The following SPICE1 variants were observed in gnomAD, a reference collection of about 807,000 sequenced individuals.
The protein encoded by SPICE1 is spindle and centriole associated protein 1, also known as spindle and centriole-associated protein 1.
Under a neutral mutation model 102.7 loss-of-function variants are expected in SPICE1, and 75 were observed. The observed-to-expected ratio is 0.73, with a 90% CI of 0.61 to 0.88. The LOEUF (loss-of-function observed/expected upper bound fraction) is 0.88. Ranked by LOEUF, SPICE1 falls within the 40% of genes least tolerant of loss-of-function variation. The probability of loss-of-function intolerance (pLI) is 0.00; values close to 1 mark genes in which losing one functional copy is unlikely to be tolerated. For synonymous variants in SPICE1, 308 were observed against 350.3 expected, an observed-to-expected ratio of 0.88 and a Z score of 1.35; for missense variants, 979 against 1,020.1, an observed-to-expected ratio of 0.96 and a Z score of 0.55.
chr3:113,468,616 G>A, intron 9 of SPICE1, 146 bp downstream of exon 9: 1 of 1,077,260 alleles, frequency 9.3e-7, no homozygotes, highest in Non-Finnish European at 1.3e-6. Flanking sequence ...ACATGTGGTA[G>A]GAGACATTTC....
intron 1 of SPICE1, among the ~76,000 whole-genome samples, chr3:113,510,836 C>A (rs897749993): frequency 6.6e-6 from 1 of 152,102 alleles, no homozygotes; most frequent in Non-Finnish European, 1.5e-5. Flanking sequence ...AGACAACCTA[C>A]AAAATGAGAG....
chr3:113,509,817 C>T (rs1377990762), intron 1 of SPICE1, among the ~76,000 whole-genome samples: 1 of 152,136 alleles, frequency 6.6e-6, no homozygotes, highest in East Asian at 1.9e-4. Flanking sequence ...AGCAGTTTCC[C>T]TCTTGCTGTT....
At chr3:113,446,720 T>C in intron 16 of SPICE1, 44 bp from the exon 17 acceptor site, 4 of 1,444,704 alleles carry the variant, frequency 2.8e-6, no homozygotes, top group Non-Finnish European at 3.9e-6. Context: ...GAGCTATCAT[T>C]ATTAACCTTA....
chr3:113,465,041 G>A (rs1936019856), intron 11 of SPICE1, among the ~76,000 whole-genome samples: 1 of 151,030 alleles, frequency 6.6e-6, no homozygotes, highest in South Asian at 2.1e-4. Flanking sequence ...AGGAGGTCCA[G>A]GCTGCAATGA....
intron 1 of SPICE1, among the ~76,000 whole-genome samples, chr3:113,511,083 T>A (rs1298481334): frequency 6.6e-6 from 1 of 152,214 alleles, no homozygotes; most frequent in Non-Finnish European, 1.5e-5. Context: ...CCAGTCAGAA[T>A]GGCGATTATT....
intron 4 of SPICE1, among the ~76,000 whole-genome samples, chr3:113,495,427 A>G (rs2107497361): frequency 6.6e-6 from 1 of 152,362 alleles, no homozygotes; most frequent in South Asian, 2.1e-4. Context: ...TTCCCCGGCT[A>G]TAGCCAAGCA....
intron 12 of SPICE1, among the ~76,000 whole-genome samples, chr3:113,457,994 G>A (rs1250555326): frequency 1.3e-5 from 2 of 152,044 alleles, no homozygotes; most frequent in African/African-American, 4.8e-5. Context: ...ACAAAACAAG[G>A]AACTTCACAG....
chr3:113,475,856 T>C (rs1936331567), intron 7 of SPICE1, among the ~76,000 whole-genome samples: 2 of 151,994 alleles, frequency 1.3e-5, no homozygotes, highest in South Asian at 4.1e-4. Context: ...CTGGAAGCAT[T>C]CCCTTTGAAA....
At chr3:113,510,527 T>C (rs561492855) in intron 1 of SPICE1, among the ~76,000 whole-genome samples, 5 of 152,142 alleles carry the variant, frequency 3.3e-5, no homozygotes, top group Non-Finnish European at 5.9e-5. Context: ...GGGGAAAGGA[T>C]TCCCTACTTA....
chr3:113,490,043 A>T (rs942434386), intron 6 of SPICE1, among the ~76,000 whole-genome samples: 3 of 152,036 alleles, frequency 2.0e-5, no homozygotes, highest in African/African-American at 7.2e-5. Flanking sequence ...GCACTCAATA[A>T]ATTTTAGCTA....
At chr3:113,472,240 C>T (rs1035890197) in intron 7 of SPICE1, among the ~76,000 whole-genome samples, 43 of 152,228 alleles carry the variant, frequency 2.8e-4, no homozygotes, top group Non-Finnish European at 4.3e-4. Flanking sequence ...GAGGGGCACC[C>T]GCCATTGCCC....
At chr3:113,513,059 T>G (rs139915644) in intron 1 of SPICE1, among the ~76,000 whole-genome samples, 2 of 152,150 alleles carry the variant, frequency 1.3e-5, no homozygotes, top group African/African-American at 4.8e-5. Flanking sequence ...AAGCTATGAA[T>G]GTATGGACAA....
In SPICE1 at chr3:113,453,714, G is replaced by A; in HGVS notation, c.1894C>T (p.His632Tyr). ...VNLSQPLCNS[H>Y]SNTQQSRSPT... ...CTTCTTGACTGTTGAGTGTTGGAATGGGAATTGCAGAGGGGCTGTGAGAGG... is the reference window on the plus strand; with the variant it reads ...CTTCTTGACTGTTGAGTGTTGGAATAGGAATTGCAGAGGGGCTGTGAGAGG... The change falls in exon 14 of 18, where the codon CAT (histidine) becomes TAT (tyrosine). Residue 632 changes from histidine (H) to tyrosine (Y), a missense_variant. Coordinates refer to ENST00000295872, the MANE Select transcript of SPICE1 (RefSeq NM_144718.4). 6.2e-7 allele frequency: 1 copy of A among 1,614,162 alleles called. No homozygotes were observed. The highest frequency in any genetic ancestry group is 8.5e-7 in the Non-Finnish European group (1 of 1,180,026).
chr3:113,479,891 A>G (rs993445778), intron 7 of SPICE1, among the ~76,000 whole-genome samples: 3 of 152,178 alleles, frequency 2.0e-5, no homozygotes, highest in African/African-American at 7.2e-5. Flanking sequence ...AAATAAAGAC[A>G]AAAGCAAAAA....
At chr3:113,459,083 T>C (rs1935861268) in intron 12 of SPICE1, among the ~76,000 whole-genome samples, 1 of 152,224 alleles carries the variant, frequency 6.6e-6, no homozygotes. Context: ...GAAAAATTCT[T>C]CTGCCTTGGG....
chr3:113,469,021 A>T, intron 8 of SPICE1, 78 bp downstream of exon 8: 1 of 1,565,108 alleles, frequency 6.4e-7, no homozygotes, highest in East Asian at 2.3e-5. Flanking sequence ...CTCAAATAAC[A>T]TTCCTTCAAA....
In SPICE1 at chr3:113,450,406, C is replaced by T. The variant is rs749604188; in HGVS notation, c.2253G>A (p.Gln751=). 5 of 1,613,966 alleles carry T rather than the reference C, an allele frequency of 3.1e-6. No homozygotes were observed. In the East Asian group the frequency reaches 1.1e-4, roughly 36 times the overall value. Residue 751 remains glutamine (Q), a synonymous_variant, in exon 15 of 18, where the codon CAG becomes CAA. Coordinates refer to ENST00000295872, the MANE Select transcript of SPICE1 (RefSeq NM_144718.4). ...AAAGATTCAAACCAACAAGTTTCTG[C>T]TGCTCTATCAACTGCAGTAGTTTTC... ...ARGKLLQLIE[Q]QKLVGLNLSP... is the part of the protein sequence containing the mutation.
At chr3:113,458,894 G>C (rs555231159) in intron 12 of SPICE1, among the ~76,000 whole-genome samples, 24 of 151,864 alleles carry the variant, frequency 1.6e-4, no homozygotes, top group African/African-American at 5.1e-4. Context: ...CCCTCTGCCC[G>C]GCCGCCACCC....
chr3:113,450,298 C>T (rs1356633006), intron 15 of SPICE1, 38 bp downstream of exon 15: 2 of 1,611,546 alleles, frequency 1.2e-6, no homozygotes, highest in South Asian at 2.2e-5. Flanking sequence ...TGAAAACCTT[C>T]ATATTTCTAG....
Sources: allele counts gnomAD v4.1 joint callset (sites outside exome capture counted in the v4.1 genomes callset), GRCh38; gene constraint gnomAD v4.1.1; transcripts MANE v1.5; gene names NCBI Gene and HGNC (gene_info 2026-07-23, HGNC 2026-07-21).